The following ICA1L variants were observed in gnomAD, a reference collection of about 807,000 sequenced individuals.
The protein encoded by ICA1L is islet cell autoantigen 1-like protein.
Under a neutral mutation model 61.3 loss-of-function variants are expected in ICA1L, and 50 were observed. The ratio of observed to expected loss-of-function variants is 0.82; its 90% CI spans 0.65 to 1.03. The LOEUF (loss-of-function observed/expected upper bound fraction) is 1.03. ICA1L is among the 50% of genes least tolerant of loss of function. The pLI, the probability that ICA1L is intolerant of heterozygous loss-of-function variation, is 0.00. For synonymous variants in ICA1L, 161 were observed against 191.3 expected (o/e 0.84, Z 1.31); for missense variants, 508 against 556.7 (o/e 0.91, Z 0.88).
chr2:202,795,468 G>GCA (rs1692897460), intron 10 of ICA1L, among the ~76,000 whole-genome samples: 1 of 152,052 alleles, frequency 6.6e-6, no homozygotes, highest in African/African-American at 2.4e-5. Context: ...GGTGGCGGAT[G>GCA]CCTGTAATCC....
In ICA1L at chr2:202,821,609, T is replaced by G. The variant is rs537142855; in HGVS notation, c.236-128A>C. ...TACTTAGGGGAAGAAGAAGAGAGAC[T>G]TATTTTTTAAATGCAATTCCTGGGC... On this transcript the variant is annotated intron_variant, in intron 3 of 12. Coordinates refer to ENST00000358299, the MANE Select transcript of ICA1L (RefSeq NM_001288622.3). 4.8e-5 allele frequency: 31 copies of G among 640,640 alleles called. No homozygotes were observed. The African/African-American group carries it at 5.3e-4, about 11-fold the overall frequency. The allele number at this position is 640,640 out of a possible 1,614,324, so 39.7% of individuals were successfully genotyped here. A position where few individuals can be genotyped will look rare whatever the true frequency, so the allele number is the denominator to read the frequency against.
intron 1 of ICA1L, among the ~76,000 whole-genome samples, chr2:202,864,112 A>C (rs1687390038): frequency 6.6e-6 from 1 of 152,222 alleles, no homozygotes; most frequent in South Asian, 2.1e-4. Flanking sequence ...ATTCGGTCAA[A>C]CATTTAGGAT....
intron 1 of ICA1L, among the ~76,000 whole-genome samples, chr2:202,864,617 GTA>G (rs377590272): frequency 2.1e-4 from 32 of 150,310 alleles, no homozygotes; most frequent in East Asian, 7.7e-4. Context: ...ATGTGTGTGT[GTA>G]TATATATATG....
intron 1 of ICA1L, among the ~76,000 whole-genome samples, chr2:202,856,716 G>A (rs1694780185): frequency 6.6e-6 from 1 of 152,146 alleles, no homozygotes; most frequent in South Asian, 2.1e-4. Context: ...AGACATGATT[G>A]TACATTTAGA....
chr2:202,864,089 G>C (rs1400327870), intron 1 of ICA1L, among the ~76,000 whole-genome samples: 2 of 152,090 alleles, frequency 1.3e-5, no homozygotes, highest in Admixed American at 6.5e-5. Context: ...GAACCAGATG[G>C]CTTCACTGCT....
At chr2:202,841,555 C>T in intron 1 of ICA1L, 2 of 711,726 alleles carry the variant, frequency 2.8e-6, no homozygotes, top group Non-Finnish European at 5.3e-6. Flanking sequence ...GGGGGCTCAG[C>T]AGGCTCTGGT....
At chr2:202,808,106 G>T (rs1458486559) in intron 9 of ICA1L, among the ~76,000 whole-genome samples, 1 of 152,152 alleles carries the variant, frequency 6.6e-6, no homozygotes, top group East Asian at 1.9e-4. Context: ...AAAGAGTAAA[G>T]GAACTTTTTA....
At chr2:202,840,138 T>C (rs1437695674) in intron 1 of ICA1L, among the ~76,000 whole-genome samples, 8 of 139,202 alleles carry the variant, frequency 5.7e-5, no homozygotes, top group Non-Finnish European at 1.1e-4. Flanking sequence ...AAAAAAGCGA[T>C]TGAATTGTTT....
chr2:202,781,347 C>T (rs910762100), intron 12 of ICA1L, among the ~76,000 whole-genome samples: 1 of 151,756 alleles, frequency 6.6e-6, no homozygotes. Flanking sequence ...CTGAGGTGTG[C>T]AGATCACCTG....
intron 9 of ICA1L, among the ~76,000 whole-genome samples, chr2:202,810,236 A>ATCC (rs2105842087): frequency 6.6e-6 from 1 of 152,374 alleles, no homozygotes; most frequent in Non-Finnish European, 1.5e-5. Context: ...AGAATAGTAT[A>ATCC]TCCAGCGAAA....
chr2:202,864,617 G>GTA (rs377590272), intron 1 of ICA1L, among the ~76,000 whole-genome samples: 36 of 150,310 alleles, frequency 2.4e-4, no homozygotes, highest in Middle Eastern at 3.4e-3. Context: ...ATGTGTGTGT[G>GTA]TATATATATA....
chr2:202,836,281 T>G (rs72932793), intron 1 of ICA1L, among the ~76,000 whole-genome samples: 13,567 of 152,194 alleles, frequency 0.089, 746 homozygotes, highest in Non-Finnish European at 0.12. Flanking sequence ...AATTATAAAG[T>G]TTTTGTCCTT....
chr2:202,840,399 C>T, intron 1 of ICA1L: 1 of 494,846 alleles, frequency 2.0e-6, no homozygotes, highest in Non-Finnish European at 4.0e-6. Context: ...TTCTTCACAA[C>T]TATGGCCCTG....
chr2:202,774,255 C>T lies in ICA1L; in HGVS notation c.*5278G>A. 2 of 1,546,046 alleles carry T rather than the reference C, an allele frequency of 1.3e-6. No homozygotes were observed. The highest frequency in any genetic ancestry group is 1.7e-6 in the Non-Finnish European group (2 of 1,145,626). ...TCCTGAGTCTTCTCGCTCCTGTCGG[C>T]CAAAGGCCGTGACCCCGACGCGTGC... is the stretch of plus-strand genomic sequence containing the variant. On this transcript the variant is annotated 3_prime_UTR_variant, in exon 13 of 13. Transcript: ENST00000358299.
intron 2 of ICA1L, among the ~76,000 whole-genome samples, chr2:202,827,298 C>T (rs1255307977): frequency 1.3e-5 from 2 of 151,884 alleles, no homozygotes; most frequent in African/African-American, 4.8e-5. Flanking sequence ...GAAGCTGAGG[C>T]AGGAGAATCG....
At chr2:202,787,720 CTG>C (rs1249452002) in intron 11 of ICA1L, among the ~76,000 whole-genome samples, 3 of 152,170 alleles carry the variant, frequency 2.0e-5, no homozygotes, top group African/African-American at 7.2e-5. Context: ...CATTAAGACA[CTG>C]TGAAGTGCCG....
intron 8 of ICA1L, 116 bp downstream of exon 8, chr2:202,814,586 G>C: frequency 1.4e-6 from 1 of 708,952 alleles, no homozygotes. Flanking sequence ...GTGTTGATTG[G>C]AAAAATGACA....
At chr2:202,788,353 T>C (rs182150191) in intron 11 of ICA1L, among the ~76,000 whole-genome samples, 1 of 152,204 alleles carries the variant, frequency 6.6e-6, no homozygotes, top group East Asian at 1.9e-4. Context: ...CAGGATTTGG[T>C]AACCAATATG....
intron 9 of ICA1L, among the ~76,000 whole-genome samples, chr2:202,799,183 G>A (rs558390081): frequency 1.5e-4 from 23 of 152,208 alleles, no homozygotes; most frequent in Admixed American, 7.8e-4. Context: ...TTAATTTTAT[G>A]AGCAATCTCT....
Sources: allele counts gnomAD v4.1 joint callset (sites outside exome capture counted in the v4.1 genomes callset), GRCh38; gene constraint gnomAD v4.1.1; transcripts MANE v1.5; gene names NCBI Gene and HGNC (gene_info 2026-07-23, HGNC 2026-07-21).